Variants in GSG1L observed in about 807,000 individuals in gnomAD.
GSG1L encodes the protein GSG1 like.
A neutral mutation model predicts 42.1 loss-of-function variants in GSG1L; 24 were observed. That is an observed-to-expected ratio of 0.57 (90% CI 0.41 to 0.80). The LOEUF is 0.80. Ranked by LOEUF, GSG1L falls within the 30% of genes least tolerant of loss-of-function variation. The pLI is 0.00. For synonymous variants in GSG1L, 215 were observed against 203.5 expected, an observed-to-expected ratio of 1.06 and a Z score of -0.48; for missense variants, 445 against 472.2, an observed-to-expected ratio of 0.94 and a Z score of 0.53.
chr16:27,865,600 C>CAT (rs1180054005), intron 3 of GSG1L, among the ~76,000 whole-genome samples: 3 of 130,346 alleles, frequency 2.3e-5, no homozygotes, highest in Non-Finnish European at 5.0e-5. Context: ...CATACACACA[C>CAT]ATATATATAC....
chr16:27,816,662 G>A (rs190783890), intron 5 of GSG1L, among the ~76,000 whole-genome samples: 28 of 152,322 alleles, frequency 1.8e-4, no homozygotes, highest in African/African-American at 6.7e-4. Context: ...GAACTGAAGG[G>A]ACCTCTATGA....
chr16:27,869,057 G>T (rs1162810802), intron 3 of GSG1L, among the ~76,000 whole-genome samples: 1 of 152,346 alleles, frequency 6.6e-6, no homozygotes, highest in East Asian at 1.9e-4. Flanking sequence ...GCAGATGTGA[G>T]TGCGACAGCC....
intron 1 of GSG1L, among the ~76,000 whole-genome samples, chr16:27,994,174 G>T (rs980323234): frequency 6.6e-6 from 1 of 152,176 alleles, no homozygotes; most frequent in African/African-American, 2.4e-5. Flanking sequence ...CTACATTCTG[G>T]TGCATTGGCG....
intron 1 of GSG1L, among the ~76,000 whole-genome samples, chr16:28,001,736 G>C (rs2085580222): frequency 6.6e-6 from 1 of 152,156 alleles, no homozygotes; most frequent in African/African-American, 2.4e-5. Flanking sequence ...TCTAGAGAAA[G>C]AACAGACACT....
At chr16:27,830,757 G>A (rs1188935314) in intron 4 of GSG1L, among the ~76,000 whole-genome samples, 2 of 152,226 alleles carry the variant, frequency 1.3e-5, no homozygotes, top group Non-Finnish European at 2.9e-5. Context: ...GAGCAACAAA[G>A]CTGAAGATTC....
chr16:28,006,145 C>G (rs908161116), intron 1 of GSG1L, among the ~76,000 whole-genome samples: 2 of 152,298 alleles, frequency 1.3e-5, no homozygotes, highest in Admixed American at 1.3e-4. Context: ...AAGCCAAGAA[C>G]AGCCCTTCGT....
chr16:28,022,883 G>C (rs1020824832), intron 1 of GSG1L, among the ~76,000 whole-genome samples: 2 of 151,990 alleles, frequency 1.3e-5, no homozygotes, highest in African/African-American at 2.4e-5. Context: ...TATTGGCCAG[G>C]CTGGTCTTGA....
At chr16:27,864,829 T>C (rs1044213388) in intron 3 of GSG1L, among the ~76,000 whole-genome samples, 1 of 152,210 alleles carries the variant, frequency 6.6e-6, no homozygotes, top group Non-Finnish European at 1.5e-5. Context: ...CTCTGCTGGC[T>C]GCATTCTGGC....
intron 2 of GSG1L, among the ~76,000 whole-genome samples, chr16:27,951,170 A>G (rs1026022023): frequency 7.2e-5 from 11 of 152,320 alleles, no homozygotes; most frequent in Middle Eastern, 6.8e-3. Context: ...ATTAACTGGC[A>G]TCAGGTGAGC....
At chr16:28,030,257 G>A (rs1202830116) in intron 1 of GSG1L, among the ~76,000 whole-genome samples, 3 of 152,118 alleles carry the variant, frequency 2.0e-5, no homozygotes, top group East Asian at 1.9e-4. Context: ...AGAGGTGAGC[G>A]GCTGACCCAA....
At chr16:27,911,445 C>T (rs1214266417) in intron 2 of GSG1L, among the ~76,000 whole-genome samples, 4 of 152,154 alleles carry the variant, frequency 2.6e-5, no homozygotes, top group African/African-American at 9.7e-5. Flanking sequence ...CGCCCGCCAC[C>T]ACACCCTGCT....
At chr16:27,969,239 C>T (rs1246079709) in intron 1 of GSG1L, among the ~76,000 whole-genome samples, 3 of 152,214 alleles carry the variant, frequency 2.0e-5, no homozygotes, top group African/African-American at 7.2e-5. Flanking sequence ...TTTCATCACA[C>T]TGAAAAGAAA....
intron 4 of GSG1L, among the ~76,000 whole-genome samples, chr16:27,833,521 A>C (rs899168052): frequency 6.6e-6 from 1 of 152,068 alleles, no homozygotes; most frequent in African/African-American, 2.4e-5. Flanking sequence ...TTTTCTCTAT[A>C]TTTATAAGAA....
chr16:27,902,200 C>T (rs1405648369), intron 2 of GSG1L, among the ~76,000 whole-genome samples: 2 of 152,126 alleles, frequency 1.3e-5, no homozygotes, highest in Non-Finnish European at 2.9e-5. Context: ...AAAGAACTTG[C>T]TAAATGAATG....
chr16:27,909,787 G>A (rs573424165), intron 2 of GSG1L, among the ~76,000 whole-genome samples: 75 of 151,562 alleles, frequency 4.9e-4, no homozygotes, highest in African/African-American at 1.6e-3. Context: ...AACTACATGC[G>A]TGAGCCACCA....
intron 6 of GSG1L, among the ~76,000 whole-genome samples, chr16:27,805,783 T>C (rs1039986900): frequency 3.2e-5 from 1 of 31,350 alleles, no homozygotes; most frequent in Non-Finnish European, 6.3e-5. Context: ...GCACTGGGAT[T>C]GGGGGTGGGT....
chr16:27,979,687 G>GAAAGAAAGAGAGAGAGA (rs778442144), intron 1 of GSG1L, among the ~76,000 whole-genome samples: 2 of 24,690 alleles, frequency 8.1e-5, no homozygotes, highest in Non-Finnish European at 1.6e-4. Context: ...GAGAAAGAAA[G>GAAAGAAAGAGAGAGAGA]AAGGAAGGAA....
intron 1 of GSG1L, among the ~76,000 whole-genome samples, chr16:28,029,587 G>GGGTGGATGGATGGATGCACA (rs2085934993): frequency 6.6e-6 from 1 of 152,086 alleles, no homozygotes; most frequent in Non-Finnish European, 1.5e-5. Flanking sequence ...ATGGATGCAT[G>GGGTGGATGGATGGATGCACA]GGTGGATGGA....
intron 1 of GSG1L, among the ~76,000 whole-genome samples, chr16:27,970,515 T>C (rs555855707): frequency 9.6e-4 from 146 of 151,798 alleles, no homozygotes; most frequent in African/African-American, 3.4e-3. Context: ...GAGGTTGCAG[T>C]GAGCCAAGAC....
Sources: gnomAD v4.1 joint callset for allele counts (sites outside exome capture counted in the v4.1 genomes callset) on GRCh38, gnomAD v4.1.1 for gene constraint, MANE v1.5 for transcripts, NCBI Gene and HGNC (gene_info 2026-07-23, HGNC 2026-07-21) for gene names.